The following COLEC11 variants were observed in gnomAD, a reference collection of about 807,000 sequenced individuals.
The protein encoded by COLEC11 is collectin-11.
A neutral mutation model predicts 27.3 loss-of-function variants in COLEC11; 20 were observed. The observed-to-expected ratio is 0.73, with a 90% CI of 0.51 to 1.06. The LOEUF is 1.06. Ranked by LOEUF, COLEC11 falls within the 50% of genes least tolerant of loss-of-function variation. COLEC11 has a pLI of 0.00. For missense variants in COLEC11, 310 were observed against 383.0 expected (o/e 0.81, Z 1.59); for synonymous variants, 163 against 154.7 (o/e 1.05, Z -0.40).
In COLEC11 at chr2:3,603,644, C is replaced by T. The variant is rs775698862; in HGVS notation, c.-26-671C>T. The T allele has an allele frequency of 2.1e-5, 33 of 1,551,022 alleles. 1 individual carries two copies. The South Asian group carries it at 2.3e-4, about 11-fold the overall frequency. On this transcript the variant is annotated intron_variant, in intron 1 of 6. Transcript: ENST00000349077. ...GTTTTCCAAGTTGTAACGCCCTTCACGATGAAGAAACAAAGAGGTCAGCAC... is the reference window on the plus strand; with the variant it reads ...GTTTTCCAAGTTGTAACGCCCTTCATGATGAAGAAACAAAGAGGTCAGCAC...
At chr2:3,601,998 G>A (rs965514067) in intron 1 of COLEC11, 9 of 152,384 alleles carry the variant, frequency 5.9e-5, no homozygotes, top group African/African-American at 1.7e-4. Context: ...AGAACTCCTC[G>A]TGCAGCAGGA....
intron 3 of COLEC11, among the ~76,000 whole-genome samples, chr2:3,619,076 G>T (rs915772695): frequency 6.6e-6 from 1 of 152,062 alleles, no homozygotes; most frequent in Admixed American, 6.6e-5. Context: ...AGTCTTTAGG[G>T]TTTTATTTAT....
chr2:3,634,497 C>T (rs542459090), intron 3 of COLEC11, among the ~76,000 whole-genome samples: 75 of 152,292 alleles, frequency 4.9e-4, no homozygotes, highest in African/African-American at 1.7e-3. Flanking sequence ...CAGTTATATT[C>T]CAGGGAGAAC....
At chr2:3,617,549 T>C in intron 3 of COLEC11, 1 of 1,589,260 alleles carries the variant, frequency 6.3e-7, no homozygotes, top group Admixed American at 1.7e-5. Context: ...CACGCCTCAC[T>C]ACGATTTGCC....
chr2:3,603,017 T>A (rs1662348998), intron 1 of COLEC11, among the ~76,000 whole-genome samples: 1 of 152,266 alleles, frequency 6.6e-6, no homozygotes, highest in Admixed American at 6.5e-5. Context: ...GCCTGACATT[T>A]GGTCGGCATC....
intron 3 of COLEC11, among the ~76,000 whole-genome samples, chr2:3,623,055 G>A (rs778714867): frequency 5.9e-5 from 9 of 152,138 alleles, no homozygotes; most frequent in Non-Finnish European, 1.0e-4. Flanking sequence ...GGATGGCTTT[G>A]TGAGTACATA....
At chr2:3,601,752 G>A (rs1271198853) in intron 1 of COLEC11, among the ~76,000 whole-genome samples, 2 of 152,114 alleles carry the variant, frequency 1.3e-5, no homozygotes, top group Admixed American at 6.5e-5. Flanking sequence ...CCCTGGCTCC[G>A]CCCTAACTCT....
At chr2:3,597,884 G>C (rs1452797754) in intron 1 of COLEC11, among the ~76,000 whole-genome samples, 14 of 151,948 alleles carry the variant, frequency 9.2e-5, no homozygotes, top group Admixed American at 9.2e-4. Context: ...CAAACCTTGT[G>C]GTGCCCCTTG....
At chr2:3,637,650 G>A (rs756753238) in intron 4 of COLEC11, 46 bp downstream of exon 4, 1 of 1,441,014 alleles carries the variant, frequency 6.9e-7, no homozygotes, top group Non-Finnish European at 9.8e-7. Context: ...TGCCCCTAGG[G>A]TCAGCGTCTG....
chr2:3,638,708 T>A (rs1273240021), intron 4 of COLEC11, among the ~76,000 whole-genome samples: 3 of 152,138 alleles, frequency 2.0e-5, no homozygotes, highest in African/African-American at 7.2e-5. Flanking sequence ...GGAAAACCCG[T>A]GAGAGGCACC....
intron 2 of COLEC11, 93 bp from the exon 3 acceptor site, chr2:3,613,218 G>A (rs1473287194): frequency 7.2e-6 from 10 of 1,382,382 alleles, no homozygotes; most frequent in Non-Finnish European, 1.0e-5. Context: ...AGGGACCCGG[G>A]GAGAACGCTT....
intron 3 of COLEC11, among the ~76,000 whole-genome samples, chr2:3,623,278 G>T (rs141392862): frequency 2.0e-5 from 3 of 152,080 alleles, no homozygotes; most frequent in Admixed American, 6.5e-5. Context: ...GTTTTCTGTG[G>T]GTTGAACCTA....
At chr2:3,629,696 A>G (rs1478500582) in intron 3 of COLEC11, among the ~76,000 whole-genome samples, 1 of 152,144 alleles carries the variant, frequency 6.6e-6, no homozygotes, top group East Asian at 1.9e-4. Context: ...TGGGTATGTC[A>G]TGTGAGTATG....
At chr2:3,609,808 G>T (rs2147872666) in intron 2 of COLEC11, among the ~76,000 whole-genome samples, 1 of 152,236 alleles carries the variant, frequency 6.6e-6, no homozygotes, top group South Asian at 2.1e-4. Flanking sequence ...GGGATTACAG[G>T]TGTGAGCCAC....
chr2:3,621,314 A>G (rs532497861), intron 3 of COLEC11, among the ~76,000 whole-genome samples: 15 of 152,264 alleles, frequency 9.9e-5, no homozygotes, highest in African/African-American at 2.2e-4. Flanking sequence ...GACATAGTCT[A>G]TTTTGTCTGA....
At position 3,637,752 on chromosome 2, in the gene COLEC11, T is replaced by G; in HGVS notation, c.274+148T>G. On this transcript the variant is annotated intron_variant, in intron 4 of 6. Coordinates refer to ENST00000349077, the MANE Select transcript of COLEC11 (RefSeq NM_024027.5). ...GTAGATAAGAAATCTACTGCAGTACTTCCATTTTTGGGGTGCTTGGAGCTA... is the reference window on the plus strand; with the variant it reads ...GTAGATAAGAAATCTACTGCAGTACGTCCATTTTTGGGGTGCTTGGAGCTA... 11 of 766,542 alleles carry G rather than the reference T, an allele frequency of 1.4e-5. No individual in the cohort carries two copies. The South Asian group carries it at 1.6e-4, about 11-fold the overall frequency. 47.5% of individuals were successfully genotyped at this position (766,542 alleles called of 1,614,324 possible).
At chr2:3,600,806 T>C (rs13004318) in intron 1 of COLEC11, among the ~76,000 whole-genome samples, 90,009 of 152,114 alleles carry the variant, frequency 0.59, 27,789 homozygotes, top group African/African-American at 0.73. Flanking sequence ...AATGACACCT[T>C]GAGGTATTAA....
intron 3 of COLEC11, among the ~76,000 whole-genome samples, chr2:3,633,161 C>T (rs953102244): frequency 4.6e-5 from 7 of 152,290 alleles, no homozygotes; most frequent in South Asian, 2.1e-4. Context: ...CCCTGGAGGA[C>T]GAGGCCAGGC....
At chr2:3,642,182 C>T (rs981592971) in intron 5 of COLEC11, among the ~76,000 whole-genome samples, 1 of 152,290 alleles carries the variant, frequency 6.6e-6, no homozygotes, top group Admixed American at 6.5e-5. Context: ...GAGGGACTTC[C>T]CGCCTAGCCA....
Sources: allele counts gnomAD v4.1 joint callset (sites outside exome capture counted in the v4.1 genomes callset), GRCh38; gene constraint gnomAD v4.1.1; transcripts MANE v1.5; gene names NCBI Gene and HGNC (gene_info 2026-07-23, HGNC 2026-07-21).